Variants in LRFN2 observed in about 807,000 individuals in gnomAD.
The protein encoded by LRFN2 is leucine-rich repeat and fibronectin type-III domain-containing protein 2.
Under a neutral mutation model 37.3 loss-of-function variants are expected in LRFN2, and 18 were observed. The observed-to-expected ratio is 0.48, with a 90% confidence interval of 0.33 to 0.72. The LOEUF is 0.72. Ranked by LOEUF, LRFN2 falls within the 30% of genes least tolerant of loss-of-function variation. The pLI is 0.02. For synonymous variants in LRFN2, 556 were observed against 466.6 expected (o/e 1.19, Z -2.47); for missense variants, 1,006 against 1,060.7 (o/e 0.95, Z 0.72).
At chr6:40,441,046 TC>T (rs1763823994) in intron 1 of LRFN2, among the ~76,000 whole-genome samples, 1 of 152,266 alleles carries the variant, frequency 6.6e-6, no homozygotes, top group South Asian at 2.1e-4. Context: ...TAAAAAATGA[TC>T]TAAAAATCAT....
At chr6:40,488,853 G>A (rs1765027342) in intron 1 of LRFN2, among the ~76,000 whole-genome samples, 1 of 152,134 alleles carries the variant, frequency 6.6e-6, no homozygotes, top group South Asian at 2.1e-4. Flanking sequence ...AGGGTTAGAG[G>A]ATGATTAGAA....
chr6:40,565,397 A>T (rs572527798), intron 1 of LRFN2, among the ~76,000 whole-genome samples: 33 of 152,308 alleles, frequency 2.2e-4, no homozygotes, highest in African/African-American at 7.5e-4. Context: ...TAAAGTTCAT[A>T]TGGAACCAAA....
chr6:40,427,992 C>T (rs1763393034), intron 2 of LRFN2, among the ~76,000 whole-genome samples: 1 of 152,196 alleles, frequency 6.6e-6, no homozygotes, highest in Non-Finnish European at 1.5e-5. Context: ...ATACAGGCTG[C>T]CTGCATTCAG....
intron 2 of LRFN2, among the ~76,000 whole-genome samples, chr6:40,420,966 A>G (rs1237425205): frequency 6.6e-6 from 1 of 152,248 alleles, no homozygotes; most frequent in East Asian, 1.9e-4. Flanking sequence ...GGGAGTGAGC[A>G]TAGACCATGT....
chr6:40,586,848 C>G (rs897608999), intron 1 of LRFN2, 93 bp downstream of exon 1: 2 of 152,386 alleles, frequency 1.3e-5, no homozygotes, highest in East Asian at 3.9e-4. Flanking sequence ...GAAAGGGATG[C>G]AAAGTTCCCG....
chr6:40,576,102 G>C (rs1044659707), intron 1 of LRFN2, among the ~76,000 whole-genome samples: 2 of 152,182 alleles, frequency 1.3e-5, no homozygotes, highest in Non-Finnish European at 2.9e-5. Flanking sequence ...TTTAAATGGA[G>C]ACAAGTCTGC....
intron 1 of LRFN2, among the ~76,000 whole-genome samples, chr6:40,493,004 G>A (rs1457263601): frequency 6.6e-6 from 1 of 152,034 alleles, no homozygotes; most frequent in Non-Finnish European, 1.5e-5. Flanking sequence ...AGGCATGAGG[G>A]GGAATGAGGA....
At chr6:40,464,778 C>A (rs920080659) in intron 1 of LRFN2, among the ~76,000 whole-genome samples, 4 of 151,992 alleles carry the variant, frequency 2.6e-5, no homozygotes, top group East Asian at 3.9e-4. Flanking sequence ...GTTATTCAAC[C>A]CCTACTCCAA....
Position 40,433,097 on chromosome 6 carries a change from C to G in LRFN2, c.17G>C (p.Gly6Ala). 6.6e-7 allele frequency: 1 copy of G among 1,524,644 alleles called. No homozygotes were observed. The allele number at this position is 1,524,644 out of a possible 1,614,324, so 94.4% of individuals were successfully genotyped here. A position where few individuals can be genotyped will look rare whatever the true frequency, so the allele number is the denominator to read the frequency against. Residue 6 changes from glycine (G) to alanine (A), a missense_variant, in exon 2 of 3, where the codon GGT (glycine) becomes GCT (alanine). Transcript: ENST00000338305. METLL[G>A]GLLAFGMAFA... ...CGCCATGCCAAACGCTAGCAGGCCACCAAGCAGGGTCTCCATGGTCTGGTC... is the reference window on the plus strand; with the variant it reads ...CGCCATGCCAAACGCTAGCAGGCCAGCAAGCAGGGTCTCCATGGTCTGGTC...
At chr6:40,507,343 G>C (rs1345784775) in intron 1 of LRFN2, among the ~76,000 whole-genome samples, 1 of 152,192 alleles carries the variant, frequency 6.6e-6, no homozygotes, top group African/African-American at 2.4e-5. Context: ...ATGGGGTTTT[G>C]ATTACCACTG....
intron 2 of LRFN2, among the ~76,000 whole-genome samples, chr6:40,415,566 C>A (rs1311913164): frequency 1.3e-5 from 2 of 152,182 alleles, no homozygotes; most frequent in East Asian, 3.9e-4. Context: ...TTCCAGGAAG[C>A]CTTCCCTGGC....
chr6:40,438,931 T>C (rs1763760930), intron 1 of LRFN2, among the ~76,000 whole-genome samples: 1 of 152,148 alleles, frequency 6.6e-6, no homozygotes, highest in South Asian at 2.1e-4. Flanking sequence ...TTTTTACATT[T>C]AAAACAAAAG....
At chr6:40,468,773 G>T (rs1026880415) in intron 1 of LRFN2, among the ~76,000 whole-genome samples, 18 of 152,238 alleles carry the variant, frequency 1.2e-4, no homozygotes, top group African/African-American at 4.3e-4. Context: ...TTCCACCTCT[G>T]CCCCTTACCC....
At chr6:40,569,858 T>C (rs1767156342) in intron 1 of LRFN2, among the ~76,000 whole-genome samples, 1 of 152,108 alleles carries the variant, frequency 6.6e-6, no homozygotes, top group Non-Finnish European at 1.5e-5. Flanking sequence ...ACTAAGCTCC[T>C]CTGCATAGCA....
At chr6:40,407,437 G>A (rs1478105724) in intron 2 of LRFN2, among the ~76,000 whole-genome samples, 1 of 152,172 alleles carries the variant, frequency 6.6e-6, no homozygotes, top group African/African-American at 2.4e-5. Flanking sequence ...ATGTGAAATG[G>A]GAGAGTAATA....
rs1233926616 is a variant in LRFN2, at chr6:40,415,655, A to C, written c.1400+16059T>G. On this transcript the variant is annotated intron_variant, in intron 2 of 2. Transcript: ENST00000338305. The stretch of plus-strand genomic sequence containing the variant: ...CATTTATCACAGCTGTAGCTACTGA[A>C]TCGGTGAAGACCTCCCAGAATAGTT... Among the ~76,000 whole-genome samples the C allele has an allele frequency of 3.3e-5, 5 of 152,278 alleles. No homozygotes were observed. In the East Asian group the frequency reaches 9.7e-4, roughly 29 times the overall value.
At chr6:40,533,830 T>C (rs205505) in intron 1 of LRFN2, among the ~76,000 whole-genome samples, 98,584 of 152,050 alleles carry the variant, frequency 0.65, 32,882 homozygotes, top group African/African-American at 0.81. Context: ...AGAGGGAAGG[T>C]CTCTACCTGT....
intron 2 of LRFN2, chr6:40,407,915 C>A (rs10947884): frequency 0.019 from 2,862 of 152,340 alleles, 44 homozygotes; most frequent in East Asian, 0.057. Context: ...ATGGCCCCTG[C>A]AGAAAGATGA....
intron 1 of LRFN2, among the ~76,000 whole-genome samples, chr6:40,535,437 T>C (rs560778660): frequency 5.1e-4 from 78 of 151,954 alleles, no homozygotes; most frequent in African/African-American, 1.8e-3. Context: ...AAGGGAAGGG[T>C]GGGGTATGGA....
Sources: allele counts gnomAD v4.1 joint callset (sites outside exome capture counted in the v4.1 genomes callset), GRCh38; gene constraint gnomAD v4.1.1; transcripts MANE v1.5; gene names NCBI Gene and HGNC (gene_info 2026-07-23, HGNC 2026-07-21).